Variants in HAUS7 observed in about 807,000 individuals in gnomAD.
The protein encoded by HAUS7 is HAUS augmin-like complex subunit 7.
Under a neutral mutation model 28.4 loss-of-function variants are expected in HAUS7, and 3 were observed. The observed-to-expected ratio is 0.11, with a 90% confidence interval of 0.05 to 0.27. The LOEUF is 0.27. HAUS7 is among the 10% of genes least tolerant of loss of function. The pLI is 1.00. For missense variants in HAUS7, 284 were observed against 297.3 expected, an observed-to-expected ratio of 0.96 and a Z score of 0.33; for synonymous variants, 165 against 132.1, an observed-to-expected ratio of 1.25 and a Z score of -1.71.
At chrX:153,457,517 G>A (rs782348528) in intron 4 of HAUS7, among the ~76,000 whole-genome samples, 1 of 113,353 alleles carries the variant, frequency 8.8e-6, no homozygotes, top group Non-Finnish European at 1.9e-5. Flanking sequence ...CGACAGCATG[G>A]CTTGCTGGGT....
At chrX:153,470,890 G>A (rs1556985178), upstream of HAUS7, 1 of 355,975 alleles carries the variant, frequency 2.8e-6, no homozygotes, top group Non-Finnish European at 5.4e-6. Context: ...GGGGCGGGGC[G>A]AACGGGCCAA....
chrX:153,483,821 C>T (rs941195654), intron 1 of HAUS7, among the ~76,000 whole-genome samples: 4 of 112,106 alleles, frequency 3.6e-5, no homozygotes, highest in South Asian at 3.8e-4. Context: ...GGAGGTGCCA[C>T]GGGCCTGGAT....
chrX:153,474,846 G>A (rs1372883015), upstream of HAUS7, among the ~76,000 whole-genome samples: 13 of 111,168 alleles, frequency 1.2e-4, no homozygotes, highest in Non-Finnish European at 3.8e-5. Flanking sequence ...CCGCGCAGGC[G>A]GCGGCAAAGG....
chrX:153,470,127 GCAAGATCCCTAAGGC>G (rs2089502603), intron 1 of HAUS7, among the ~76,000 whole-genome samples: 2 of 112,946 alleles, frequency 1.8e-5, no homozygotes, highest in Admixed American at 1.8e-4. Flanking sequence ...CCCAGACCCC[GCAAGATCCCTAAGGC>G]CAGGCCTGGG....
chrX:153,454,151 G>A (rs1442119875), intron 9 of HAUS7, among the ~76,000 whole-genome samples: 2 of 112,408 alleles, frequency 1.8e-5, no homozygotes, highest in African/African-American at 6.5e-5. Context: ...ATTCCATTCA[G>A]GCATTTGTTA....
At chrX:153,474,357 A>G (rs782268412), upstream of HAUS7, among the ~76,000 whole-genome samples, 2 of 112,008 alleles carry the variant, frequency 1.8e-5, no homozygotes, top group South Asian at 7.5e-4. Context: ...CAGCTCCTGC[A>G]AGAGCACATT....
At chrX:153,466,055 T>C (rs1556984248) in intron 2 of HAUS7, among the ~76,000 whole-genome samples, 1 of 112,563 alleles carries the variant, frequency 8.9e-6, no homozygotes, top group Admixed American at 9.3e-5. Context: ...GGCTGTTCCC[T>C]GGAGAGGCCA....
chrX:153,486,144 G>C, intron 1 of HAUS7: 2 of 833,591 alleles, frequency 2.4e-6, no homozygotes, highest in South Asian at 5.2e-5. Context: ...CTCCACCCCC[G>C]CACCCTGCCA....
At chrX:153,478,531 C>T (rs1201037298) in intron 1 of HAUS7, among the ~76,000 whole-genome samples, 1 of 113,001 alleles carries the variant, frequency 8.8e-6, no homozygotes, top group African/African-American at 3.2e-5. Context: ...CATGGCTTCA[C>T]CCAGGCAGTG....
rs370678126 is a variant in HAUS7 at position 153,494,254 on chromosome X, C to T, written c.-589+1120G>A. 1.4e-3 allele frequency among the ~76,000 whole-genome samples: 152 copies of T among 112,359 alleles called. 2 individuals carry two copies. Among genetic ancestry groups the T allele is most frequent in the African/African-American group, 4.6e-3 (144 of 30,978 alleles). On this transcript the variant is annotated intron_variant, in intron 1 of 5. Coordinates refer to the HAUS7 transcript ENST00000370210. ...CCACCCACAGAGTGGTTCTCATGTC[C>T]GAGGGGACCTGCAGGGATTGAGCAA...
At chrX:153,449,933 C>T (rs1161988301) in intron 9 of HAUS7, among the ~76,000 whole-genome samples, 2 of 112,466 alleles carry the variant, frequency 1.8e-5, no homozygotes, top group Non-Finnish European at 3.8e-5. Context: ...GTTTTCACAG[C>T]TGTCCAAGCA....
At chrX:153,482,860 G>A (rs1182323766) in intron 1 of HAUS7, 5 of 480,292 alleles carry the variant, frequency 1.0e-5, no homozygotes, top group Non-Finnish European at 1.3e-5. Context: ...GCGGCCTGCC[G>A]TCCTCCCTGC....
upstream of HAUS7, among the ~76,000 whole-genome samples, chrX:153,473,394 T>C (rs1365434245): frequency 2.7e-5 from 3 of 112,783 alleles, no homozygotes; most frequent in African/African-American, 9.7e-5. Flanking sequence ...CTGTCAGAGC[T>C]AAAGCCCTAG....
rs898476601 is a variant in HAUS7, at chrX:153,453,476, G to A, written c.1045+918C>T. Among the ~76,000 whole-genome samples, 91 of 111,268 alleles carry A rather than the reference G, an allele frequency of 8.2e-4. 1 individual carries two copies. Among genetic ancestry groups the A allele is most frequent in the African/African-American group, 2.9e-3 (89 of 30,587 alleles). Reference sequence around the variant, plus strand: ...GTTATTTAAAAAATAAATTAGAAGAGGTAGAAAACTGGCTTTACCTTCTTT... The same window carrying A: ...GTTATTTAAAAAATAAATTAGAAGAAGTAGAAAACTGGCTTTACCTTCTTT... On this transcript the variant is annotated intron_variant, in intron 9 of 9. Coordinates refer to ENST00000370211, the MANE Select transcript of HAUS7 (RefSeq NM_001385482.1).
In HAUS7 at chrX:153,483,289, C is replaced by T. The variant is rs1292250286; in HGVS notation, c.-589+12085G>A. The T allele has an allele frequency of 9.3e-6, 7 of 753,417 alleles. No individual in the cohort carries two copies. In the East Asian group the frequency reaches 7.6e-4, roughly 82 times the overall value. 62.1% of individuals were successfully genotyped at this position (753,417 alleles called of 1,213,427 possible). A position where few individuals can be genotyped will look rare whatever the true frequency, so the allele number is the denominator to read the frequency against. On this transcript the variant is annotated intron_variant, in intron 1 of 5. Coordinates refer to the HAUS7 transcript ENST00000370210. ...GCAGGTGGGCCCCTCACCCCAACCC[C>T]TGACCCCGACCCTAGGAGCTGCACC...
At position 153,456,143 on chromosome X, in the gene HAUS7, G is replaced by A. The variant is rs2089304870; in HGVS notation, c.705+122C>T. The A allele has an allele frequency of 7.0e-5, 38 of 544,442 alleles. 1 individual carries two copies. In the South Asian group the frequency reaches 1.1e-3, roughly 15 times the overall value. The allele number at this position is 544,442 out of a possible 1,213,427, so 44.9% of individuals were successfully genotyped here. ...ACCTCCCCGCGGACTGAGCACCACAGTATTCTAGAACATGTCAGGCCCGGT... is the reference window on the plus strand; with the variant it reads ...ACCTCCCCGCGGACTGAGCACCACAATATTCTAGAACATGTCAGGCCCGGT... On this transcript the variant is annotated intron_variant, in intron 7 of 9. Coordinates refer to ENST00000370211, the MANE Select transcript of HAUS7 (RefSeq NM_001385482.1).
At chrX:153,470,585 C>T (rs781848091), upstream of HAUS7, 5 of 1,203,977 alleles carry the variant, frequency 4.2e-6, no homozygotes, top group Non-Finnish European at 5.6e-6. Flanking sequence ...GCGCCCCGCC[C>T]ATGCCCTGGC....
Position 153,456,281 on chromosome X carries a change from T to G in HAUS7, c.689A>C (p.His230Pro). ...CACCCTCACCTCCGTTCTAAGCGCG[T>G]GCAACTTGGCAGCACTCTCCTGCAG... ...RQLQESAAKL[H>P]ALRTEYFAQH... is the part of the protein sequence containing the mutation. Residue 230 changes from histidine to proline, a missense_variant, in exon 7 of 10, where the codon CAC (histidine) becomes CCC (proline). Physicochemically the swap from His to Pro is moderately conservative, Grantham distance 77 (BLOSUM62 -2). Coordinates refer to ENST00000370211, the MANE Select transcript of HAUS7 (RefSeq NM_001385482.1). 8.3e-7 allele frequency: 1 copy of G among 1,209,394 alleles called. No individual in the cohort carries two copies. The highest frequency in any genetic ancestry group is 1.8e-5 in the South Asian group (1 of 56,944).
chrX:153,454,523 A>C lies in HAUS7; in HGVS notation c.931-15T>G. On this transcript the variant is annotated splice_polypyrimidine_tract_variant and intron_variant, in intron 8 of 9. Coordinates refer to ENST00000370211, the MANE Select transcript of HAUS7 (RefSeq NM_001385482.1). ...ACTTGCAGCAGCTGGGGAGGGAGGG[A>C]GGGAGGGAGGGAGGGAGGGAGGGAG... 1 of 70,351 alleles carries C rather than the reference A, an allele frequency of 1.4e-5. No individual in the cohort carries two copies. The highest frequency in any genetic ancestry group is 2.7e-5 in the Non-Finnish European group (1 of 37,123). 5.8% of individuals were successfully genotyped at this position (70,351 alleles called of 1,213,427 possible). A position where few individuals can be genotyped will look rare whatever the true frequency, so the allele number is the denominator to read the frequency against.
Sources: gnomAD v4.1 joint callset for allele counts (sites outside exome capture counted in the v4.1 genomes callset) on GRCh38, gnomAD v4.1.1 for gene constraint, MANE v1.5 for transcripts, NCBI Gene and HGNC (gene_info 2026-07-23, HGNC 2026-07-21) for gene names.